Variants in FGF13 observed in about 807,000 individuals in gnomAD.
The protein encoded by FGF13 is fibroblast growth factor 13.
In FGF13, 2 loss-of-function variants were observed where a neutral mutation model predicts 19.5. The observed-to-expected ratio is 0.10, with a 90% CI of 0.04 to 0.32. The LOEUF (loss-of-function observed/expected upper bound fraction) is 0.32. Ranked by LOEUF, FGF13 falls within the 10% of genes least tolerant of loss-of-function variation. FGF13 has a pLI of 1.00. For missense variants in FGF13, 113 were observed against 192.7 expected (o/e 0.59, Z 2.45); for synonymous variants, 72 against 76.9 (o/e 0.94, Z 0.33).
At chrX:139,131,302 C>CT (rs1433802232) in intron 1 of FGF13, among the ~76,000 whole-genome samples, 1 of 111,186 alleles carries the variant, frequency 9.0e-6, no homozygotes, top group Non-Finnish European at 1.9e-5. Context: ...TTTAACCTTT[C>CT]TGAGCCTATT....
At chrX:138,812,350 T>C (rs1384015921) in intron 3 of FGF13, among the ~76,000 whole-genome samples, 2 of 112,073 alleles carry the variant, frequency 1.8e-5, no homozygotes, top group Non-Finnish European at 3.8e-5. Flanking sequence ...TTAACAATGG[T>C]GCTATGAACA....
chrX:139,027,664 A>T (rs1249942992), intron 1 of FGF13, among the ~76,000 whole-genome samples: 1 of 111,889 alleles, frequency 8.9e-6, no homozygotes, highest in Non-Finnish European at 1.9e-5. Flanking sequence ...TTTCCAGTCA[A>T]GTTTTCATTC....
intron 2 of FGF13, among the ~76,000 whole-genome samples, chrX:138,862,457 A>T (rs974876969): frequency 3.8e-4 from 43 of 112,236 alleles, no homozygotes; most frequent in Non-Finnish European, 6.0e-4. Context: ...TAAAATACTT[A>T]AAAAATCTAT....
intron 1 of FGF13, among the ~76,000 whole-genome samples, chrX:138,903,552 C>T (rs1018983398): frequency 6.3e-5 from 7 of 111,509 alleles, no homozygotes; most frequent in Admixed American, 9.6e-5. Flanking sequence ...GTAGATTAAA[C>T]GGACACAACT....
intron 1 of FGF13, among the ~76,000 whole-genome samples, chrX:139,184,506 CTA>C (rs1242865942): frequency 9.0e-6 from 1 of 111,595 alleles, no homozygotes; most frequent in Non-Finnish European, 1.9e-5. Flanking sequence ...ATACTCAAAA[CTA>C]CAGCCATTTA....
intron 3 of FGF13, among the ~76,000 whole-genome samples, chrX:138,772,987 C>G (rs1341200235): frequency 9.3e-6 from 1 of 107,945 alleles, no homozygotes; most frequent in Non-Finnish European, 1.9e-5. Context: ...ACCGAACTAA[C>G]TGGTGTGTCA....
intron 3 of FGF13, among the ~76,000 whole-genome samples, chrX:138,672,630 A>G (rs1341776887): frequency 1.8e-5 from 2 of 112,238 alleles, no homozygotes; most frequent in African/African-American, 6.5e-5. Flanking sequence ...ATCTACATGG[A>G]GAAGTCAAGG....
At chrX:139,009,109 A>G (rs778069080) in intron 1 of FGF13, among the ~76,000 whole-genome samples, 4 of 112,030 alleles carry the variant, frequency 3.6e-5, no homozygotes, top group African/African-American at 6.5e-5. Context: ...CATCAAAGAC[A>G]AAGAAAAAAG....
intron 1 of FGF13, among the ~76,000 whole-genome samples, chrX:139,053,169 C>T (rs1307732852): frequency 9.0e-6 from 1 of 111,520 alleles, no homozygotes; most frequent in Non-Finnish European, 1.9e-5. Flanking sequence ...ACTGCAAATG[C>T]CGTTAATTCA....
chrX:138,670,185 A>C (rs1444181358), intron 3 of FGF13, among the ~76,000 whole-genome samples: 1 of 112,074 alleles, frequency 8.9e-6, no homozygotes, highest in Non-Finnish European at 1.9e-5. Flanking sequence ...ACTTCAAGAG[A>C]GGGCTCCAGG....
chrX:138,878,255 T>C (rs1318259521), intron 1 of FGF13, among the ~76,000 whole-genome samples: 1 of 106,607 alleles, frequency 9.4e-6, no homozygotes, highest in Non-Finnish European at 1.9e-5. Flanking sequence ...CACCCATTAA[T>C]TCGTCATTTA....
chrX:139,054,613 T>C (rs1400747841), intron 1 of FGF13, among the ~76,000 whole-genome samples: 5 of 111,778 alleles, frequency 4.5e-5, no homozygotes, highest in Non-Finnish European at 7.5e-5. Context: ...CTGTGAAGAA[T>C]GATGGTGGTA....
At chrX:139,061,772 A>T (rs1603171046) in intron 1 of FGF13, among the ~76,000 whole-genome samples, 1 of 110,648 alleles carries the variant, frequency 9.0e-6, no homozygotes, top group Admixed American at 9.7e-5. Flanking sequence ...AAAGGGTATG[A>T]AGTGGTATCT....
intron 3 of FGF13, among the ~76,000 whole-genome samples, chrX:138,819,822 T>G (rs977403591): frequency 8.9e-6 from 1 of 111,837 alleles, no homozygotes; most frequent in Non-Finnish European, 1.9e-5. Context: ...TAATACTTAT[T>G]ATGGAACTGC....
intron 1 of FGF13, among the ~76,000 whole-genome samples, chrX:139,075,281 T>C (rs1251350571): frequency 8.9e-6 from 1 of 111,746 alleles, no homozygotes; most frequent in African/African-American, 3.3e-5. Context: ...CCAACTTGTC[T>C]GGCCAGTGGT....
intron 1 of FGF13, among the ~76,000 whole-genome samples, chrX:139,189,428 T>G (rs138093387): frequency 1.1e-3 from 128 of 111,746 alleles, no homozygotes; most frequent in Non-Finnish European, 1.8e-3. Context: ...AAATGTGGTC[T>G]ATATATACAA....
In FGF13 at chrX:138,708,730, T is replaced by C. The variant is rs1254109133; in HGVS notation, c.298+88A>G. The C allele has an allele frequency of 4.9e-6, 3 of 613,438 alleles. No individual in the cohort carries two copies. In the East Asian group the frequency reaches 9.9e-5, roughly 20 times the overall value. 50.6% of individuals were successfully genotyped at this position (613,438 alleles called of 1,213,427 possible). On this transcript the variant is annotated intron_variant, in intron 2 of 4. Transcript: ENST00000315930. ...AATATATTTTGCATTTAATTCAGGA[T>C]TTAGGAAAGCGTATTTATTTTTAAA...
At chrX:138,654,834 A>G (rs772221053) in intron 3 of FGF13, among the ~76,000 whole-genome samples, 18 of 111,125 alleles carry the variant, frequency 1.6e-4, no homozygotes, top group African/African-American at 5.6e-4. Context: ...TTTTTGGTAA[A>G]CTTTGCTTTT....
intron 1 of FGF13, among the ~76,000 whole-genome samples, chrX:139,115,283 A>G (rs2083631602): frequency 8.9e-6 from 1 of 112,132 alleles, no homozygotes; most frequent in East Asian, 2.8e-4. Flanking sequence ...CTTCTTTCTT[A>G]CTAACAAAGC....
Sources: allele counts gnomAD v4.1 joint callset (sites outside exome capture counted in the v4.1 genomes callset), GRCh38; gene constraint gnomAD v4.1.1; transcripts MANE v1.5; gene names NCBI Gene and HGNC (gene_info 2026-07-23, HGNC 2026-07-21).